Variants in CEP250 observed in about 807,000 individuals in gnomAD.
CEP250 encodes the protein centrosomal protein 250, also known as centrosome-associated protein CEP250.
Under a neutral mutation model 315.7 loss-of-function variants are expected in CEP250, and 242 were observed. That is an observed-to-expected ratio of 0.77 (90% CI 0.69 to 0.85). The LOEUF (loss-of-function observed/expected upper bound fraction) is 0.85. Ranked by LOEUF, CEP250 falls within the 40% of genes least tolerant of loss-of-function variation. The probability of loss-of-function intolerance (pLI) is 0.00; values close to 1 mark genes in which losing one functional copy is unlikely to be tolerated. For synonymous variants in CEP250, 1,088 were observed against 1,175.0 expected (o/e 0.93, Z 1.51); for missense variants, 2,515 against 2,886.4 (o/e 0.87, Z 2.95).
intron 28 of CEP250, among the ~76,000 whole-genome samples, chr20:35,500,903 T>G (rs943341773): frequency 6.6e-6 from 1 of 152,298 alleles, no homozygotes. Context: ...CTCTGTAGAT[T>G]TAAAAATTAA....
At position 35,494,426 on chromosome 20, in the gene CEP250, A is replaced by G. The variant is rs948891164; in HGVS notation, c.3034-98A>G. 4.7e-6 allele frequency: 7 copies of G among 1,499,360 alleles called. No individual in the cohort carries two copies. In the South Asian group the frequency reaches 5.0e-5, roughly 11 times the overall value. The allele number at this position is 1,499,360 out of a possible 1,614,324, so 92.9% of individuals were successfully genotyped here. A position where few individuals can be genotyped will look rare whatever the true frequency, so the allele number is the denominator to read the frequency against. On this transcript the variant is annotated intron_variant, in intron 23 of 34. Transcript: ENST00000397527. ...AGAGCATTGGAAATGGCCACTGACT[A>G]TGGTAAACCTCGAAGGACCCTGAAG...
intron 6 of CEP250, 73 bp downstream of exon 6, chr20:35,465,898 C>T: frequency 6.5e-7 from 1 of 1,528,612 alleles, no homozygotes; most frequent in Non-Finnish European, 8.9e-7. Context: ...AACTTCTGCC[C>T]TGAGGGCTAA....
chr20:35,505,520 G>T (rs1321426694), intron 30 of CEP250, among the ~76,000 whole-genome samples: 1 of 152,100 alleles, frequency 6.6e-6, no homozygotes, highest in African/African-American at 2.4e-5. Context: ...AGGTATGCTG[G>T]CATGTGCCTG....
Position 35,504,769 on chromosome 20 carries a change from A to G in CEP250, c.6400A>G (p.Met2134Val), listed in dbSNP as rs199936529. The G allele has an allele frequency of 1.5e-5, 24 of 1,614,190 alleles. No homozygotes were observed. Among genetic ancestry groups the G allele is most frequent in the African/African-American group, 5.3e-5 (4 of 75,040 alleles). ...ALPHSHKTSPMEEQSLKLDSL... is the reference protein window; with the variant it reads ...ALPHSHKTSPVEEQSLKLDSL... Reference sequence around the variant, plus strand: ...ACCCCACAGCCACAAAACCTCCCCAATGGAGGAACAATCTCTAAAACTTGA... The same window carrying G: ...ACCCCACAGCCACAAAACCTCCCCAGTGGAGGAACAATCTCTAAAACTTGA... The change falls in exon 30 of 35, where the codon ATG becomes GTG. Residue 2134 changes from methionine to valine, a missense_variant. Coordinates refer to ENST00000397527, the MANE Select transcript of CEP250 (RefSeq NM_007186.6).
At position 35,510,043 on chromosome 20, in the gene CEP250, C is replaced by A. The variant is rs1255281233; in HGVS notation, c.7054C>A (p.Leu2352Met). 2.5e-6 allele frequency: 4 copies of A among 1,614,140 alleles called. No homozygotes were observed. In the South Asian group the frequency reaches 4.4e-5, roughly 18 times the overall value. The change falls in exon 34 of 35, where the codon CTG becomes ATG. Residue 2352 changes from leucine (L) to methionine (M), a missense_variant. By Grantham distance (15) the Leu-to-Met change is conservative. Transcript: ENST00000397527. ...CTCAGATGCCAAGTGTGTGGCTGAA[C>A]TGCAGAAAGAGGTATGTTCTGGATT... ...KNSDAKCVAE[L>M]QKEVVLLQAQ...
At chr20:35,501,342 A>G (rs973317316) in intron 28 of CEP250, among the ~76,000 whole-genome samples, 1 of 152,144 alleles carries the variant, frequency 6.6e-6, no homozygotes, top group Non-Finnish European at 1.5e-5. Flanking sequence ...ATCTCAAAAA[A>G]AGAAAAAAAG....
Position 35,476,593 on chromosome 20 carries a change from C to T in CEP250, c.1861C>T (p.Gln621Ter). 1 of 1,610,964 alleles carries T rather than the reference C, an allele frequency of 6.2e-7. No individual in the cohort carries two copies. Among genetic ancestry groups the T allele is most frequent in the Non-Finnish European group, 8.5e-7 (1 of 1,177,294 alleles). ...AGTTGGGCTGAACCAGCAGCTTCTC[C>T]AGGTGAGCAAAGATTTTCCTGGTCC... ...DKVGLNQQLL[Q>*]LEEENQSVCS... Residue 621 changes from glutamine to a stop codon, truncating the protein, a stop_gained and splice_region_variant, in exon 16 of 35, where the codon CAG becomes TAG. Transcript: ENST00000397527. LOFTEE classifies it high-confidence loss of function.
rs368362284 is a variant in CEP250 at position 35,467,571 on chromosome 20, G to A, written c.851+16G>A. ...TTCAGGACCGGTGAGATGGCCTGGG[G>A]TCCCAAGAAGGGTTCGCTGAGAGAG... is the stretch of plus-strand genomic sequence containing the variant. On this transcript the variant is annotated intron_variant, in intron 9 of 34. Coordinates refer to ENST00000397527, the MANE Select transcript of CEP250 (RefSeq NM_007186.6). The A allele has an allele frequency of 2.5e-6, 4 of 1,611,516 alleles. No homozygotes were observed. The African/African-American group carries it at 5.3e-5, about 22-fold the overall frequency.
Position 35,514,332 on chromosome 20 carries a change from T to A in CEP250, c.*2706T>A, listed in dbSNP as rs2064410368. The stretch of plus-strand genomic sequence containing the variant: ...CCACCAGAACATGCAGGAGTAGAGG[T>A]TAGAGCTCAGCCACAGAGATTATCT... On this transcript the variant is annotated 3_prime_UTR_variant, in exon 35 of 35. Transcript: ENST00000397527. 6.6e-6 allele frequency: 1 copy of A among 152,256 alleles called. No homozygotes were observed. The highest frequency in any genetic ancestry group is 1.5e-5 in the Non-Finnish European group (1 of 68,082). The allele number at this position is 152,256 out of a possible 1,614,324, so 9.4% of individuals were successfully genotyped here. A position where few individuals can be genotyped will look rare whatever the true frequency, so the allele number is the denominator to read the frequency against.
rs1014738717 is a variant in CEP250 at position 35,517,020 on chromosome 20, C to T, written c.*5394C>T. The T allele has an allele frequency of 4.1e-6, 4 of 985,414 alleles. No individual in the cohort carries two copies. Among genetic ancestry groups the T allele is most frequent in the East Asian group, 1.1e-4 (1 of 8,828 alleles). The allele number at this position is 985,414 out of a possible 1,614,324, so 61.0% of individuals were successfully genotyped here. The stretch of plus-strand genomic sequence containing the variant: ...GCAAGTGGCATGCTGACTCAGACAC[C>T]GGGCACTGAGAAAAGTGGGAAGCCA... On this transcript the variant is annotated 3_prime_UTR_variant, in exon 35 of 35. Coordinates refer to ENST00000397527, the MANE Select transcript of CEP250 (RefSeq NM_007186.6).
chr20:35,474,274 G>A (rs2063109465), intron 14 of CEP250, among the ~76,000 whole-genome samples: 4 of 152,198 alleles, frequency 2.6e-5, no homozygotes, highest in Admixed American at 2.6e-4. Flanking sequence ...CACTGAGGGG[G>A]ATACAGAAAT....
Position 35,504,566 on chromosome 20 carries a change from C to G in CEP250, c.6197C>G (p.Ala2066Gly), listed in dbSNP as rs2064128031. 6.2e-7 allele frequency: 1 copy of G among 1,614,112 alleles called. No homozygotes were observed. Among genetic ancestry groups the G allele is most frequent in the African/African-American group, 1.3e-5 (1 of 75,036 alleles). Residue 2066 changes from alanine to glycine, a missense_variant, in exon 30 of 35, where the codon GCC becomes GGC. Coordinates refer to ENST00000397527, the MANE Select transcript of CEP250 (RefSeq NM_007186.6). ...EREQLLEKSL[A>G]QRVQENMIQE... ...GAGCAGCTGCTGGAGAAGTCTCTGG[C>G]CCAGAGGGTCCAAGAGAATATGATC...
At chr20:35,478,904 C>G (rs1057429718) in intron 17 of CEP250, among the ~76,000 whole-genome samples, 2 of 152,204 alleles carry the variant, frequency 1.3e-5, no homozygotes, top group African/African-American at 4.8e-5. Context: ...TGTACGGACT[C>G]TCCCTTCACA....
chr20:35,503,604 C>G lies in CEP250; in HGVS notation c.5235C>G (p.Ile1745Met). ...AGGTGGAATGTCAGCAGGAGCATAT[C>G]CATGAACTCCAGGAGCTCAAAGACC... Reference protein sequence around the residue: ...EKEVECQQEHIHELQELKDQL... With the variant: ...EKEVECQQEHMHELQELKDQL... The change falls in exon 30 of 35, where the codon ATC becomes ATG. Residue 1745 changes from isoleucine to methionine, a missense_variant. Physicochemically the swap from Ile to Met is conservative, Grantham distance 10. Transcript: ENST00000397527. This position sits in a 1 kb window ranked among gnomAD's most constrained non-coding sequence, Gnocchi z 4.2. 2 of 1,614,092 alleles carry G rather than the reference C, an allele frequency of 1.2e-6. No homozygotes were observed. Among genetic ancestry groups the G allele is most frequent in the Non-Finnish European group, 1.7e-6 (2 of 1,180,000 alleles).
intron 20 of CEP250, among the ~76,000 whole-genome samples, chr20:35,480,736 G>A (rs763494809): frequency 1.3e-5 from 2 of 151,916 alleles, no homozygotes; most frequent in Non-Finnish European, 2.9e-5. Flanking sequence ...GGGATTACAG[G>A]TGTGTGCCAC....
At position 35,496,889 on chromosome 20, in the gene CEP250, C is replaced by T. The variant is rs888152999; in HGVS notation, c.3306+174C>T. On this transcript the variant is annotated intron_variant, in intron 25 of 34. Coordinates refer to ENST00000397527, the MANE Select transcript of CEP250 (RefSeq NM_007186.6). ...AGGGGGAAGCCAGGACTAGACAAGG[C>T]GGGGGCTTGGGAATCTGACCCAGAG... Among the ~76,000 whole-genome samples, 13 of 152,256 alleles carry T rather than the reference C, an allele frequency of 8.5e-5. No homozygotes were observed. In the East Asian group the frequency reaches 1.2e-3, roughly 14 times the overall value.
At chr20:35,480,262 C>T (rs1256969494) in intron 20 of CEP250, 117 bp downstream of exon 20, 1 of 1,018,788 alleles carries the variant, frequency 9.8e-7, no homozygotes. Context: ...CTGTAAAATC[C>T]AACTTCCTGC....
chr20:35,498,855 C>A, intron 27 of CEP250, 139 bp downstream of exon 27: 1 of 1,007,700 alleles, frequency 9.9e-7, no homozygotes, highest in Non-Finnish European at 1.4e-6. Context: ...TACCACCTGG[C>A]AACCACAAAT....
intron 10 of CEP250, among the ~76,000 whole-genome samples, chr20:35,471,429 A>C (rs1302228609): frequency 6.6e-6 from 1 of 152,202 alleles, no homozygotes; most frequent in Admixed American, 6.5e-5. Flanking sequence ...TTATATTTTT[A>C]TGTAAAATCT....
Sources: allele counts gnomAD v4.1 joint callset (sites outside exome capture counted in the v4.1 genomes callset), GRCh38; gene constraint gnomAD v4.1.1; non-coding constraint Gnocchi (gnomAD v3.1); transcripts MANE v1.5; gene names NCBI Gene and HGNC (gene_info 2026-07-23, HGNC 2026-07-21).